The following APC variants were observed in gnomAD, a reference collection of about 807,000 sequenced individuals.
APC encodes the protein APC regulator of Wnt signaling pathway.
A neutral mutation model predicts 247.0 loss-of-function variants in APC; 72 were observed. The observed-to-expected ratio is 0.29, with a 90% confidence interval of 0.24 to 0.35. APC has a LOEUF of 0.35. APC is among the 10% of genes least tolerant of loss of function. The probability of loss-of-function intolerance (pLI) is 1.00; values close to 1 mark genes in which losing one functional copy is unlikely to be tolerated. For missense variants in APC, 3,400 were observed against 3,360.7 expected (o/e 1.01, Z -0.29); for synonymous variants, 1,254 against 1,162.5 (o/e 1.08, Z -1.60).
At chr5:112,762,163 A>G (rs760189038) in intron 2 of APC, among the ~76,000 whole-genome samples, 9 of 152,232 alleles carry the variant, frequency 5.9e-5, no homozygotes, top group Non-Finnish European at 1.0e-4. Context: ...ATCATTTGGC[A>G]TCAGGGAAAT....
At chr5:112,783,272 T>G (rs1561489112) in intron 6 of APC, among the ~76,000 whole-genome samples, 2 of 152,232 alleles carry the variant, frequency 1.3e-5, no homozygotes. Context: ...TCATTCTTAC[T>G]TTATTCTGGA....
chr5:112,733,374 A>T (rs1476801832), upstream of APC, among the ~76,000 whole-genome samples: 2 of 152,208 alleles, frequency 1.3e-5, no homozygotes, highest in Non-Finnish European at 2.9e-5. Context: ...ACGTGGGCCA[A>T]ATGTAAGGGT....
intron 5 of APC, among the ~76,000 whole-genome samples, chr5:112,777,358 A>G (rs957584472): frequency 6.6e-6 from 1 of 152,172 alleles, no homozygotes; most frequent in Non-Finnish European, 1.5e-5. Flanking sequence ...AGTAATGGCT[A>G]TGGAAATTTC....
intron 6 of APC, among the ~76,000 whole-genome samples, chr5:112,790,513 T>G (rs1006163197): frequency 6.6e-6 from 1 of 152,120 alleles, no homozygotes. Flanking sequence ...GTATTTTTAG[T>G]AGAGACGGGG....
chr5:112,818,167 T>C (rs548073082), intron 9 of APC, among the ~76,000 whole-genome samples: 12 of 152,354 alleles, frequency 7.9e-5, no homozygotes, highest in African/African-American at 2.4e-4. Context: ...TTGAGAACCA[T>C]TGACTTATAG....
intron 7 of APC, among the ~76,000 whole-genome samples, chr5:112,792,806 A>G (rs1024164709): frequency 6.6e-6 from 1 of 152,192 alleles, no homozygotes; most frequent in South Asian, 2.1e-4. Flanking sequence ...TAATTTGGCT[A>G]CTATCCAGTA....
At chr5:112,729,415 G>A (rs1284890217) in intron 1 of APC, among the ~76,000 whole-genome samples, 2 of 152,196 alleles carry the variant, frequency 1.3e-5, no homozygotes, top group Admixed American at 6.5e-5. Flanking sequence ...TGTGATCTTT[G>A]AAAATTTGAC....
chr5:112,823,598 C>G (rs1266864942), intron 11 of APC, among the ~76,000 whole-genome samples: 1 of 152,130 alleles, frequency 6.6e-6, no homozygotes, highest in Admixed American at 6.6e-5. Context: ...CTGGGATGGT[C>G]ATTTGTACAT....
Position 112,844,607 on chromosome 5 carries a change from A to G in APC, c.*481A>G, listed in dbSNP as rs889223713. 4.3e-6 allele frequency: 1 copy of G among 234,924 alleles called. No homozygotes were observed. Among genetic ancestry groups the G allele is most frequent in the Non-Finnish European group, 8.4e-6 (1 of 119,184 alleles). 14.6% of individuals were successfully genotyped at this position (234,924 alleles called of 1,614,324 possible). ...ATGTGGCTGTGAAATTCACAGTAAT[A>G]TGGTTCCCGATGAACAAGTTTACCC... is the stretch of plus-strand genomic sequence containing the variant. On this transcript the variant is annotated 3_prime_UTR_variant, in exon 16 of 16. Transcript: ENST00000257430.
intron 11 of APC, chr5:112,823,481 T>G (rs1424788899): frequency 6.6e-6 from 1 of 152,422 alleles, no homozygotes; most frequent in African/African-American, 2.4e-5. Context: ...TTAGGGTGTG[T>G]GGATTGCGGG....
intron 15 of APC, among the ~76,000 whole-genome samples, chr5:112,837,176 A>G (rs1765027361): frequency 6.6e-6 from 1 of 152,220 alleles, no homozygotes; most frequent in Non-Finnish European, 1.5e-5. Flanking sequence ...TCAGAGTGGC[A>G]CCCAACCATA....
chr5:112,803,688 T>C (rs1761074574), intron 8 of APC, among the ~76,000 whole-genome samples: 1 of 152,224 alleles, frequency 6.6e-6, no homozygotes, highest in Admixed American at 6.5e-5. Flanking sequence ...TGCCAGATAC[T>C]GTGTTGGACT....
rs1554088768 is a variant in APC at position 112,843,530 on chromosome 5, C to G, written c.7936C>G (p.Gln2646Glu). 1.9e-6 allele frequency: 3 copies of G among 1,613,612 alleles called. No homozygotes were observed. Among genetic ancestry groups the G allele is most frequent in the Non-Finnish European group, 2.5e-6 (3 of 1,179,614 alleles). Residue 2646 changes from glutamine to glutamate, a missense_variant, in exon 16 of 16, where the codon CAA becomes GAA. Physicochemically the swap from Gln to Glu is conservative, Grantham distance 29. Transcript: ENST00000257430. The surrounding 1 kb of genome is among the most constrained non-coding windows in gnomAD (Gnocchi z 4.8). ...NGAESKTLIY[Q>E]MAPAVSKTED... ...TGCTGAATCAAAGACTCTAATTTAT[C>G]AAATGGCACCTGCTGTTTCTAAAAC...
chr5:112,793,434 A>G (rs1294726917), intron 7 of APC, among the ~76,000 whole-genome samples: 1 of 152,114 alleles, frequency 6.6e-6, no homozygotes, highest in African/African-American at 2.4e-5. Context: ...AGAGAACATT[A>G]AAAAGGGAGA....
Position 112,838,188 on chromosome 5 carries a change from C to T in APC, c.2594C>T (p.Pro865Leu), listed in dbSNP as rs1765220235. 1 of 1,614,146 alleles carries T rather than the reference C, an allele frequency of 6.2e-7. No homozygotes were observed. The highest frequency in any genetic ancestry group is 8.5e-7 in the Non-Finnish European group (1 of 1,180,018). Residue 865 changes from proline (P) to leucine (L), a missense_variant, in exon 16 of 16, where the codon CCA (proline) becomes CTA (leucine). Pro to Leu is a moderately conservative substitution (Grantham distance 98). Transcript: ENST00000257430. The part of the protein sequence containing the change: ...ERGIGLGNYH[P>L]ATENPGTSSK... ...GGAATTGGTCTAGGCAACTACCATC[C>T]AGCAACAGAAAATCCAGGAACTTCT...
At chr5:112,836,725 G>A (rs1764986534) in intron 15 of APC, among the ~76,000 whole-genome samples, 1 of 149,932 alleles carries the variant, frequency 6.7e-6, no homozygotes, top group Non-Finnish European at 1.5e-5. Flanking sequence ...TCTTTTTTTT[G>A]AGATGGAGTC....
At chr5:112,792,419 C>T in intron 6 of APC, 27 bp from the exon 7 acceptor site, 1 of 1,490,906 alleles carries the variant, frequency 6.7e-7, no homozygotes, top group East Asian at 2.3e-5. Context: ...AAAAACATAA[C>T]TAATTAGGTT....
At chr5:112,827,878 T>C (rs780944790) in intron 12 of APC, 51 bp from the exon 13 acceptor site, 5 of 1,493,694 alleles carry the variant, frequency 3.3e-6, no homozygotes, top group Admixed American at 1.7e-5. Flanking sequence ...AAATAAAGCT[T>C]GGCTTCAAGT....
chr5:112,724,246 A>G (rs1751643775), intron 1 of APC, among the ~76,000 whole-genome samples: 1 of 152,090 alleles, frequency 6.6e-6, no homozygotes, highest in East Asian at 1.9e-4. Context: ...GTGCTTGTAT[A>G]GTTATGAAGA....
Sources: allele counts gnomAD v4.1 joint callset (sites outside exome capture counted in the v4.1 genomes callset), GRCh38; gene constraint gnomAD v4.1.1; non-coding constraint Gnocchi (gnomAD v3.1); transcripts MANE v1.5; gene names NCBI Gene and HGNC (gene_info 2026-07-23, HGNC 2026-07-21).